UBE4B: variants seen among roughly 807,000 people sequenced by gnomAD.
UBE4B encodes ubiquitination factor E4B.
UBE4B carries 27 observed loss-of-function variants against 148.1 expected under a neutral mutation model. The ratio of observed to expected loss-of-function variants is 0.18; its 90% CI spans 0.13 to 0.25. The LOEUF (loss-of-function observed/expected upper bound fraction) is 0.25. Among genes scored for constraint, UBE4B ranks in the 10% least tolerant of loss-of-function variants. The probability of loss-of-function intolerance (pLI) is 1.00; values close to 1 mark genes in which losing one functional copy is unlikely to be tolerated. For synonymous variants in UBE4B, 596 were observed against 619.3 expected (o/e 0.96, Z 0.56); for missense variants, 1,170 against 1,662.4 (o/e 0.70, Z 5.15).
rs557021706 is a variant in UBE4B, at chr1:10,102,863, T to C, written c.436-85T>C. On this transcript the variant is annotated intron_variant, in intron 4 of 27. Coordinates refer to ENST00000343090, the MANE Select transcript of UBE4B (RefSeq NM_001105562.3). ...TTAAAATATCATCACTAATAATGAA[T>C]TAAATCAGAATAACGTATTCCTATT... 6.5e-6 allele frequency: 9 copies of C among 1,382,774 alleles called. No homozygotes were observed. The East Asian group carries it at 1.6e-4, about 25-fold the overall frequency. The allele number at this position is 1,382,774 out of a possible 1,614,324, so 85.7% of individuals were successfully genotyped here.
Position 10,134,971 on chromosome 1 carries a change from C to T in UBE4B, c.2026-17C>T, listed in dbSNP as rs374391496. 6.2e-7 allele frequency: 1 copy of T among 1,607,522 alleles called. No individual in the cohort carries two copies. On this transcript the variant is annotated splice_polypyrimidine_tract_variant and intron_variant, in intron 15 of 27. Coordinates refer to ENST00000343090, the MANE Select transcript of UBE4B (RefSeq NM_001105562.3). ...TTTTTAATGTTTAAAAATACTTTTT[C>T]TTTTCAACTTTCACAGACAGATGAT...
At position 10,168,391 on chromosome 1, in the gene UBE4B, A is replaced by G. The variant is rs2102025949; in HGVS notation, c.3333+121A>G. 1 of 1,420,824 alleles carries G rather than the reference A, an allele frequency of 7.0e-7. No individual in the cohort carries two copies. Among genetic ancestry groups the G allele is most frequent in the African/African-American group, 1.4e-5 (1 of 69,738 alleles). The allele number at this position is 1,420,824 out of a possible 1,614,324, so 88.0% of individuals were successfully genotyped here. A position where few individuals can be genotyped will look rare whatever the true frequency, so the allele number is the denominator to read the frequency against. On this transcript the variant is annotated intron_variant, in intron 24 of 27. Transcript: ENST00000343090. This position sits in a 1 kb window ranked among gnomAD's most constrained non-coding sequence, Gnocchi z 4.9. The stretch of plus-strand genomic sequence containing the variant: ...TAGGATCACAGTCATCAATAAGTGA[A>G]ATTCTGTGACTGATTTTGTTCCCAG...
intron 25 of UBE4B, among the ~76,000 whole-genome samples, chr1:10,175,922 C>A (rs1646423146): frequency 6.6e-6 from 1 of 152,182 alleles, no homozygotes; most frequent in South Asian, 2.1e-4. Flanking sequence ...TGCACAGCCA[C>A]CACCTCTACC....
chr1:10,131,793 T>C (rs1645597784), intron 14 of UBE4B, among the ~76,000 whole-genome samples: 1 of 151,312 alleles, frequency 6.6e-6, no homozygotes, highest in Admixed American at 6.6e-5. Flanking sequence ...TCTACTAAAA[T>C]ACAAAAAAAA....
chr1:10,041,335 C>CT (rs573440480), intron 1 of UBE4B, among the ~76,000 whole-genome samples: 2,386 of 132,112 alleles, frequency 0.018, 28 homozygotes, highest in South Asian at 0.024. Context: ...TTTTGGCATT[C>CT]TTTTTTTTTT....
intron 25 of UBE4B, among the ~76,000 whole-genome samples, chr1:10,172,927 C>T (rs976314316): frequency 7.2e-5 from 11 of 152,094 alleles, no homozygotes; most frequent in East Asian, 3.9e-4. Context: ...TTACAACTGC[C>T]GACAGGATTC....
At chr1:10,124,418 C>A (rs770365004) in intron 10 of UBE4B, among the ~76,000 whole-genome samples, 6 of 152,072 alleles carry the variant, frequency 3.9e-5, no homozygotes, top group Non-Finnish European at 7.4e-5. Flanking sequence ...GAACTCTTGG[C>A]CTCAAGTGGT....
intron 1 of UBE4B, among the ~76,000 whole-genome samples, chr1:10,063,760 T>C (rs1644331924): frequency 6.6e-6 from 1 of 151,882 alleles, no homozygotes. Flanking sequence ...ATACAAAAAT[T>C]AGCTGGGTGT....
At chr1:10,172,782 G>A (rs1056766718) in intron 25 of UBE4B, among the ~76,000 whole-genome samples, 9 of 152,130 alleles carry the variant, frequency 5.9e-5, no homozygotes, top group African/African-American at 2.2e-4. Context: ...TCTTAACAAA[G>A]GATTTGCAGT....
chr1:10,038,757 T>C (rs1270666395), intron 1 of UBE4B, among the ~76,000 whole-genome samples: 1 of 152,192 alleles, frequency 6.6e-6, no homozygotes, highest in African/African-American at 2.4e-5. Context: ...TTGGTACTGG[T>C]CCTCCCACTC....
chr1:10,178,921 T>C (rs2102048629), intron 26 of UBE4B, 103 bp downstream of exon 26: 1 of 1,252,358 alleles, frequency 8.0e-7, no homozygotes, highest in African/African-American at 1.5e-5. Flanking sequence ...AATGGTGTGC[T>C]AGAGCTGCTT....
At chr1:10,065,588 C>T (rs1644372810) in intron 1 of UBE4B, among the ~76,000 whole-genome samples, 1 of 152,176 alleles carries the variant, frequency 6.6e-6, no homozygotes, top group African/African-American at 2.4e-5. Context: ...GTTTGCTCTG[C>T]CTCTTGCCCT....
chr1:10,111,597 T>C (rs878861365), intron 7 of UBE4B, among the ~76,000 whole-genome samples: 1 of 152,150 alleles, frequency 6.6e-6, no homozygotes, highest in Admixed American at 6.5e-5. Flanking sequence ...AGAACATCCA[T>C]TAGCAACATT....
At chr1:10,164,464 C>T (rs1646216866) in intron 23 of UBE4B, among the ~76,000 whole-genome samples, 1 of 152,188 alleles carries the variant, frequency 6.6e-6, no homozygotes, top group Admixed American at 6.5e-5. Flanking sequence ...GTCCTCCCAC[C>T]TCAGCCTCCC....
At position 10,072,184 on chromosome 1, in the gene UBE4B, A is replaced by T. The variant is rs780968429; in HGVS notation, c.181A>T (p.Thr61Ser). 1 of 1,613,202 alleles carries T rather than the reference A, an allele frequency of 6.2e-7. No homozygotes were observed. The highest frequency in any genetic ancestry group is 1.1e-5 in the South Asian group (1 of 90,986). ...TCTTGGTCTCAATGTCCACAACATG[A>T]CCCCAGCTACCTCCCCAATAGGTGC... ...QSLGLNVHNM[T>S]PATSPIGASG... The change falls in exon 2 of 28, where the codon ACC (threonine) becomes TCC (serine). Residue 61 changes from threonine to serine, a missense_variant. Coordinates refer to ENST00000343090, the MANE Select transcript of UBE4B (RefSeq NM_001105562.3).
chr1:10,047,014 C>T (rs886601426), intron 1 of UBE4B, among the ~76,000 whole-genome samples: 1 of 152,186 alleles, frequency 6.6e-6, no homozygotes. Flanking sequence ...TGTTGGCATG[C>T]AGGCTGTTTT....
intron 2 of UBE4B, among the ~76,000 whole-genome samples, chr1:10,073,296 G>C (rs1644519024): frequency 6.6e-6 from 1 of 152,172 alleles, no homozygotes; most frequent in African/African-American, 2.4e-5. Context: ...CTCTCACTTT[G>C]TCTTACTTGC....
chr1:10,038,139 G>A (rs998669248), intron 1 of UBE4B, among the ~76,000 whole-genome samples: 1 of 151,986 alleles, frequency 6.6e-6, no homozygotes, highest in Non-Finnish European at 1.5e-5. Context: ...AATTAGCTGG[G>A]CGTGGTGGCA....
intron 1 of UBE4B, among the ~76,000 whole-genome samples, chr1:10,057,963 C>T (rs952855986): frequency 2.0e-5 from 3 of 152,062 alleles, no homozygotes; most frequent in African/African-American, 7.2e-5. Context: ...GCTGGACTGT[C>T]GGATGTGGGG....
Sources: allele counts gnomAD v4.1 joint callset (sites outside exome capture counted in the v4.1 genomes callset), GRCh38; gene constraint gnomAD v4.1.1; non-coding constraint Gnocchi (gnomAD v3.1); transcripts MANE v1.5; gene names NCBI Gene and HGNC (gene_info 2026-07-23, HGNC 2026-07-21).